SH3RF2: variants seen among roughly 807,000 people sequenced by gnomAD.
The protein encoded by SH3RF2 is E3 ubiquitin-protein ligase SH3RF2.
Under a neutral mutation model 59.0 loss-of-function variants are expected in SH3RF2, and 43 were observed. That is an observed-to-expected ratio of 0.73 (90% CI 0.57 to 0.94). SH3RF2 has a LOEUF of 0.94. SH3RF2 is among the 40% of genes least tolerant of loss of function. SH3RF2 has a pLI of 0.00. For synonymous variants in SH3RF2, 391 were observed against 391.5 expected, an observed-to-expected ratio of 1.00 and a Z score of 0.01; for missense variants, 930 against 940.1, an observed-to-expected ratio of 0.99 and a Z score of 0.14.
chr5:146,035,030 C>T (rs939329945), intron 5 of SH3RF2, among the ~76,000 whole-genome samples: 1 of 151,698 alleles, frequency 6.6e-6, no homozygotes, highest in Non-Finnish European at 1.5e-5. Context: ...TGCTTGAACC[C>T]GAGAAGTGGA....
At chr5:145,969,540 C>T (rs1758991974) in intron 2 of SH3RF2, among the ~76,000 whole-genome samples, 1 of 152,028 alleles carries the variant, frequency 6.6e-6, no homozygotes, top group African/African-American at 2.4e-5. Flanking sequence ...GTTTATGTAA[C>T]AGCTACAGAC....
At position 146,013,799 on chromosome 5, in the gene SH3RF2, C is replaced by T; in HGVS notation, c.797C>T (p.Ser266Phe). The T allele has an allele frequency of 6.2e-7, 1 of 1,614,142 alleles. No individual in the cohort carries two copies. The highest frequency in any genetic ancestry group is 8.5e-7 in the Non-Finnish European group (1 of 1,180,006). Residue 266 changes from serine (S) to phenylalanine (F), a missense_variant, in exon 5 of 10, where the codon TCC becomes TTC. By Grantham distance (155) the Ser-to-Phe change is radical (BLOSUM62 -2). Coordinates refer to ENST00000359120, the MANE Select transcript of SH3RF2 (RefSeq NM_152550.4). ...LLEKNKGRQS[S>F]RTKNLSLVSS... Reference sequence around the variant, plus strand: ...GAGAAGAACAAAGGTCGCCAGTCATCCCGCACAAAAAACCTGTCCCTGGTG... The same window carrying T: ...GAGAAGAACAAAGGTCGCCAGTCATTCCGCACAAAAAACCTGTCCCTGGTG...
chr5:146,046,184 A>G (rs934676962), intron 5 of SH3RF2, among the ~76,000 whole-genome samples: 3 of 152,172 alleles, frequency 2.0e-5, no homozygotes, highest in African/African-American at 7.2e-5. Flanking sequence ...CCTTTATACA[A>G]TTGTGTCTGC....
At chr5:145,995,007 T>TTA (rs1554113919) in intron 2 of SH3RF2, among the ~76,000 whole-genome samples, 2 of 150,362 alleles carry the variant, frequency 1.3e-5, no homozygotes, top group South Asian at 2.1e-4. Flanking sequence ...TCATAAATAA[T>TTA]AAAAAAAAAG....
intron 2 of SH3RF2, among the ~76,000 whole-genome samples, chr5:145,976,524 C>G (rs73312158): frequency 6.6e-6 from 1 of 151,718 alleles, no homozygotes; most frequent in Non-Finnish European, 1.5e-5. Context: ...GAAACCACCA[C>G]GTAGTTTCAC....
intron 5 of SH3RF2, among the ~76,000 whole-genome samples, chr5:146,037,627 T>C (rs1324392309): frequency 6.6e-6 from 1 of 152,194 alleles, no homozygotes; most frequent in Non-Finnish European, 1.5e-5. Flanking sequence ...TTACATCTGG[T>C]AAACAACTCT....
rs561468349 is a variant in SH3RF2, at chr5:146,010,407, C to G, written c.745-3340C>G. ...GGTTATATACCCAGTAATGGGATGGCTGGGTCAAATGGTATTTCTAGTTCT... is the reference window on the plus strand; with the variant it reads ...GGTTATATACCCAGTAATGGGATGGGTGGGTCAAATGGTATTTCTAGTTCT... On this transcript the variant is annotated intron_variant, in intron 4 of 9. Coordinates refer to ENST00000359120, the MANE Select transcript of SH3RF2 (RefSeq NM_152550.4). Among the ~76,000 whole-genome samples, 112 of 152,294 alleles carry G rather than the reference C, an allele frequency of 7.4e-4. 1 individual carries two copies. Among genetic ancestry groups the G allele is most frequent in the South Asian group, 4.6e-3 (22 of 4,816 alleles).
At chr5:145,970,463 A>G (rs939735109) in intron 2 of SH3RF2, among the ~76,000 whole-genome samples, 29 of 152,304 alleles carry the variant, frequency 1.9e-4, no homozygotes, top group Middle Eastern at 3.4e-3. Flanking sequence ...ATTCCTCTTT[A>G]TGGATGAGTA....
At chr5:146,030,796 T>A (rs1188400940) in intron 5 of SH3RF2, among the ~76,000 whole-genome samples, 1 of 152,118 alleles carries the variant, frequency 6.6e-6, no homozygotes, top group Admixed American at 6.5e-5. Flanking sequence ...AGAATAAAAC[T>A]CCATGCTGTG....
intron 5 of SH3RF2, among the ~76,000 whole-genome samples, chr5:146,047,178 T>TGTGTGTGTGTGTGTGTG (rs1561761124): frequency 7.9e-5 from 12 of 152,076 alleles, no homozygotes; most frequent in South Asian, 4.2e-4. Context: ...TGTGTGTGTG[T>TGTGTGTGTGTGTGTGTG]TTCTAGCAAT....
intron 2 of SH3RF2, among the ~76,000 whole-genome samples, chr5:145,983,193 G>A (rs1297203078): frequency 1.3e-5 from 2 of 151,110 alleles, no homozygotes; most frequent in African/African-American, 4.9e-5. Flanking sequence ...TCTGTTGGTA[G>A]CCAAAATAGG....
chr5:146,002,511 AG>A (rs1760463606), intron 3 of SH3RF2, among the ~76,000 whole-genome samples: 4 of 150,840 alleles, frequency 2.7e-5, no homozygotes, highest in African/African-American at 7.3e-5. Flanking sequence ...GAAGGAAGGA[AG>A]GAAGGAAGGA....
At chr5:146,071,348 T>A (rs1024777831) in intron 9 of SH3RF2, among the ~76,000 whole-genome samples, 1 of 152,194 alleles carries the variant, frequency 6.6e-6, no homozygotes, top group African/African-American at 2.4e-5. Flanking sequence ...AGAGGACATG[T>A]CAGTCACAGC....
At chr5:146,067,076 T>C (rs1266539677), downstream of SH3RF2, among the ~76,000 whole-genome samples, 1 of 152,146 alleles carries the variant, frequency 6.6e-6, no homozygotes, top group East Asian at 1.9e-4. Context: ...ACTTGTCTCC[T>C]TCCCTGTGTG....
chr5:146,017,101 C>T (rs1286525481), intron 5 of SH3RF2, among the ~76,000 whole-genome samples: 1 of 152,162 alleles, frequency 6.6e-6, no homozygotes, highest in East Asian at 1.9e-4. Context: ...GTCTTTCTAC[C>T]TGTGGGAAAC....
chr5:145,953,957 A>G (rs1758296856), intron 2 of SH3RF2, among the ~76,000 whole-genome samples: 1 of 152,108 alleles, frequency 6.6e-6, no homozygotes, highest in Non-Finnish European at 1.5e-5. Context: ...CCAATCTGTC[A>G]TTGATGGGCA....
At chr5:145,980,959 A>G (rs1759485124) in intron 2 of SH3RF2, among the ~76,000 whole-genome samples, 1 of 152,176 alleles carries the variant, frequency 6.6e-6, no homozygotes, top group African/African-American at 2.4e-5. Flanking sequence ...ATACTCTTTC[A>G]TTGGTAAATA....
chr5:146,064,886 C>G (rs2150026127), downstream of SH3RF2, among the ~76,000 whole-genome samples: 1 of 148,180 alleles, frequency 6.7e-6, no homozygotes, highest in Admixed American at 6.7e-5. Flanking sequence ...GAAAAAGATG[C>G]AGGGAGGGAG....
At chr5:146,058,871 TAAA>T (rs35140745) in intron 8 of SH3RF2, among the ~76,000 whole-genome samples, 13 of 132,706 alleles carry the variant, frequency 9.8e-5, no homozygotes, top group Admixed American at 1.5e-4. Context: ...CATCTCAATT[TAAA>T]AAAAAAAAAA....
Sources: allele counts gnomAD v4.1 joint callset (sites outside exome capture counted in the v4.1 genomes callset), GRCh38; gene constraint gnomAD v4.1.1; transcripts MANE v1.5; gene names NCBI Gene and HGNC (gene_info 2026-07-23, HGNC 2026-07-21).